The following DAPK1 variants were observed in gnomAD, a reference collection of about 807,000 sequenced individuals.
DAPK1 encodes death-associated protein kinase 1.
In DAPK1, 56 loss-of-function variants were observed where a neutral mutation model predicts 144.9. The ratio of observed to expected loss-of-function variants is 0.39; its 90% CI spans 0.31 to 0.48. DAPK1 has a LOEUF of 0.48. Ranked by LOEUF, DAPK1 falls within the 20% of genes least tolerant of loss-of-function variation. The pLI is 0.95. For synonymous variants in DAPK1, 690 were observed against 749.0 expected, an observed-to-expected ratio of 0.92 and a Z score of 1.29; for missense variants, 1,454 against 1,875.4, an observed-to-expected ratio of 0.78 and a Z score of 4.15.
chr9:87,648,765 T>C lies in DAPK1; in HGVS notation c.1330-16T>C. 1 of 1,609,976 alleles carries C rather than the reference T, an allele frequency of 6.2e-7. No homozygotes were observed. The highest frequency in any genetic ancestry group is 1.3e-5 in the African/African-American group (1 of 74,986). ...ACAGATGTGGCTCTGAATCACCGGCTCCTTTTCTTCTGCAGTCTGGAGAGA... is the reference window on the plus strand; with the variant it reads ...ACAGATGTGGCTCTGAATCACCGGCCCCTTTTCTTCTGCAGTCTGGAGAGA... On this transcript the variant is annotated splice_polypyrimidine_tract_variant and intron_variant, in intron 14 of 25. Transcript: ENST00000408954.
rs754329945 is a variant in DAPK1 at position 87,668,638 on chromosome 9, C to A, written c.1965C>A (p.His655Gln). ...AAGATCTTGCTAGATCGGAACAGCACGAGCACGTAGCAGGTCTCCTTGCAA... is the reference window on the plus strand; with the variant it reads ...AAGATCTTGCTAGATCGGAACAGCAAGAGCACGTAGCAGGTCTCCTTGCAA... ...TAEDLARSEQ[H>Q]EHVAGLLARL... Residue 655 changes from histidine (H) to glutamine (Q), a missense_variant, in exon 19 of 26, where the codon CAC (histidine) becomes CAA (glutamine). By Grantham distance (24) the His-to-Gln change is conservative. This residue lies in a region of DAPK1 where 1,025 missense variants were observed against 1,237.9 expected (regional missense o/e 0.83). Coordinates refer to ENST00000408954, the MANE Select transcript of DAPK1 (RefSeq NM_004938.4). The A allele has an allele frequency of 1.2e-5, 18 of 1,478,182 alleles. No homozygotes were observed. The highest frequency in any genetic ancestry group is 1.6e-5 in the Non-Finnish European group (17 of 1,055,784). The allele number at this position is 1,478,182 out of a possible 1,614,324, so 91.6% of individuals were successfully genotyped here. A position where few individuals can be genotyped will look rare whatever the true frequency, so the allele number is the denominator to read the frequency against.
Position 87,686,661 on chromosome 9 carries a change from GC to G in DAPK1, c.2339del (p.Pro780ArgfsTer24). The G allele has an allele frequency of 6.2e-7, 1 of 1,612,732 alleles. No individual in the cohort carries two copies. The highest frequency in any genetic ancestry group is 8.5e-7 in the Non-Finnish European group (1 of 1,178,912). ...CAAAGGGATGCTGGAGGTGTTTGTGGCCCCGACCCACCACCCGCACTGCTCG... is the reference window on the plus strand; with the variant it reads ...CAAAGGGATGCTGGAGGTGTTTGTGGCCCGACCCACCACCCGCACTGCTCG... ...LTKGMLEVFV[A>X]PTHHPHCSAD... On this transcript the variant is annotated frameshift_variant, in exon 21 of 26. Coordinates refer to ENST00000408954, the MANE Select transcript of DAPK1 (RefSeq NM_004938.4). LOFTEE classifies it high-confidence loss of function. This position sits in a 1 kb window ranked among gnomAD's most constrained non-coding sequence, Gnocchi z 4.2.
chr9:87,554,758 G>A (rs1371271153), intron 2 of DAPK1, among the ~76,000 whole-genome samples: 15 of 152,220 alleles, frequency 9.9e-5, no homozygotes, highest in Admixed American at 9.2e-4. Context: ...CTGCTCTGGC[G>A]GGAGGGAGGA....
At chr9:87,513,914 T>A (rs1244518718) in intron 2 of DAPK1, among the ~76,000 whole-genome samples, 1 of 152,088 alleles carries the variant, frequency 6.6e-6, no homozygotes, top group African/African-American at 2.4e-5. Context: ...GTGGGGGCTG[T>A]CTTGTGCATT....
chr9:87,517,430 A>G (rs1587678677), intron 2 of DAPK1, among the ~76,000 whole-genome samples: 1 of 151,766 alleles, frequency 6.6e-6, no homozygotes, highest in African/African-American at 2.4e-5. Flanking sequence ...GAGACTCCCC[A>G]CTGTTCTCTC....
chr9:87,542,368 G>A (rs1223032368), intron 2 of DAPK1, among the ~76,000 whole-genome samples: 4 of 152,194 alleles, frequency 2.6e-5, no homozygotes, highest in African/African-American at 9.6e-5. Flanking sequence ...TTTTACAGAT[G>A]AGGAAATTGA....
At chr9:87,540,265 C>G (rs1297586089) in intron 2 of DAPK1, among the ~76,000 whole-genome samples, 3 of 138,028 alleles carry the variant, frequency 2.2e-5, no homozygotes, top group African/African-American at 8.1e-5. Flanking sequence ...TCTCAGTTCA[C>G]TGCAGCCTCT....
intron 2 of DAPK1, among the ~76,000 whole-genome samples, chr9:87,531,225 C>A (rs1825689165): frequency 6.6e-6 from 1 of 152,116 alleles, no homozygotes; most frequent in Admixed American, 6.6e-5. Flanking sequence ...GTGCGTGAGT[C>A]CCCTCTGACT....
At position 87,650,137 on chromosome 9, in the gene DAPK1, C is replaced by T. The variant is rs769433526; in HGVS notation, c.1626+19C>T. The T allele has an allele frequency of 2.5e-6, 4 of 1,613,032 alleles. No individual in the cohort carries two copies. The highest frequency in any genetic ancestry group is 1.7e-5 in the Admixed American group (1 of 60,002). On this transcript the variant is annotated intron_variant, in intron 16 of 25. Transcript: ENST00000408954. Reference sequence around the variant, plus strand: ...CGACAAGGTGCCTTATGGGGGAAGACTCATATGCACTGGGAAGTGATCTAG... The same window carrying T: ...CGACAAGGTGCCTTATGGGGGAAGATTCATATGCACTGGGAAGTGATCTAG...
At chr9:87,545,650 G>A (rs10868622) in intron 2 of DAPK1, among the ~76,000 whole-genome samples, 66,721 of 151,870 alleles carry the variant, frequency 0.44, 14,884 homozygotes, top group African/African-American at 0.51. Context: ...GGGTTCCAGC[G>A]ATTCTCCTGT....
At chr9:87,553,334 A>G (rs773887710) in intron 2 of DAPK1, 1 of 152,014 alleles carries the variant, frequency 6.6e-6, no homozygotes, top group Non-Finnish European at 1.5e-5. Flanking sequence ...CTTGATAATT[A>G]ATATGTGCAT....
chr9:87,589,693 T>G (rs1025990307), intron 2 of DAPK1, among the ~76,000 whole-genome samples: 1 of 152,234 alleles, frequency 6.6e-6, no homozygotes, highest in Non-Finnish European at 1.5e-5. Context: ...TGGGAGAATT[T>G]AGATTCCAAG....
rs184456226 is a variant in DAPK1 at position 87,507,299 on chromosome 9, G to A, written c.62+8160G>A. Among the ~76,000 whole-genome samples the A allele has an allele frequency of 5.4e-3, 820 of 152,208 alleles. 8 individuals are homozygous for A. The highest frequency in any genetic ancestry group is 0.018 in the African/African-American group (765 of 41,538). ...GCTATCTCGGCTCACTGCAACCTCC[G>A]CCTCCTGGGTTCAAGCGATTCTCCT... On this transcript the variant is annotated intron_variant, in intron 2 of 25. Transcript: ENST00000408954.
intron 3 of DAPK1, chr9:87,632,294 CAT>C: frequency 1.0e-6 from 1 of 975,660 alleles, no homozygotes; most frequent in Non-Finnish European, 1.2e-6. Flanking sequence ...GATGAGTACA[CAT>C]GTAGAAATGA....
chr9:87,518,107 T>G (rs1179786295), intron 2 of DAPK1, among the ~76,000 whole-genome samples: 1 of 25,350 alleles, frequency 3.9e-5, no homozygotes, highest in East Asian at 1.9e-3. Flanking sequence ...ATGTTGTTGT[T>G]TTTTTTTTTT....
At chr9:87,514,365 G>C (rs1824965614) in intron 2 of DAPK1, among the ~76,000 whole-genome samples, 1 of 152,204 alleles carries the variant, frequency 6.6e-6, no homozygotes, top group African/African-American at 2.4e-5. Flanking sequence ...GTGTCCCAGA[G>C]GTCTGGGCTG....
Position 87,593,749 on chromosome 9 carries a change from TC to T in DAPK1, c.63-11204del. 2.6e-5 allele frequency among the ~76,000 whole-genome samples: 4 copies of T among 152,356 alleles called. No individual in the cohort carries two copies. In the South Asian group the frequency reaches 8.3e-4, roughly 32 times the overall value. On this transcript the variant is annotated intron_variant, in intron 2 of 25. Coordinates refer to ENST00000408954, the MANE Select transcript of DAPK1 (RefSeq NM_004938.4). Reference sequence around the variant, plus strand: ...TTATATGAACCTCCTGCCTTCTTTGTCAATTTTTTTTCAGCCGAGAGCAGCT... The same window carrying T: ...TTATATGAACCTCCTGCCTTCTTTGTAATTTTTTTTCAGCCGAGAGCAGCT...
chr9:87,698,895 G>C, intron 23 of DAPK1, 101 bp downstream of exon 23: 1 of 709,248 alleles, frequency 1.4e-6, no homozygotes, highest in Non-Finnish European at 2.4e-6. Context: ...ATGAACCAGA[G>C]AAAGGTTTTA....
intron 18 of DAPK1, among the ~76,000 whole-genome samples, chr9:87,666,689 G>T (rs1243171193): frequency 1.3e-5 from 2 of 151,900 alleles, no homozygotes; most frequent in Non-Finnish European, 2.9e-5. Context: ...GGGCAGGCTG[G>T]TCTCAAACTT....
Sources: allele counts gnomAD v4.1 joint callset (sites outside exome capture counted in the v4.1 genomes callset), GRCh38; gene constraint gnomAD v4.1.1; regional missense constraint gnomAD v4.1.1; non-coding constraint Gnocchi (gnomAD v3.1); transcripts MANE v1.5; gene names NCBI Gene and HGNC (gene_info 2026-07-23, HGNC 2026-07-21).